The following ASAP1 variants were observed in gnomAD, a reference collection of about 807,000 sequenced individuals.
The protein encoded by ASAP1 is ArfGAP with SH3 domain, ankyrin repeat and PH domain 1.
Under a neutral mutation model 145.2 loss-of-function variants are expected in ASAP1, and 43 were observed. The observed-to-expected ratio is 0.30, with a 90% confidence interval of 0.23 to 0.38. The LOEUF is 0.38. Ranked by LOEUF, ASAP1 falls within the 10% of genes least tolerant of loss-of-function variation. The pLI, the probability that ASAP1 is intolerant of heterozygous loss-of-function variation, is 1.00. For synonymous variants in ASAP1, 546 were observed against 515.5 expected (o/e 1.06, Z -0.80); for missense variants, 1,018 against 1,355.3 (o/e 0.75, Z 3.91).
chr8:130,142,479 A>G (rs1382516009), intron 13 of ASAP1, among the ~76,000 whole-genome samples: 1 of 152,228 alleles, frequency 6.6e-6, no homozygotes, highest in Non-Finnish European at 1.5e-5. Flanking sequence ...CATTCATCAT[A>G]TATTTATTAA....
At chr8:130,057,183 A>G (rs1230631046) in intron 29 of ASAP1, among the ~76,000 whole-genome samples, 1 of 152,194 alleles carries the variant, frequency 6.6e-6, no homozygotes, top group Non-Finnish European at 1.5e-5. Context: ...GCTCAGCCTG[A>G]GCAGGAACTT....
chr8:130,109,219 G>A (rs1228518775), intron 24 of ASAP1, among the ~76,000 whole-genome samples: 7 of 152,112 alleles, frequency 4.6e-5, no homozygotes, highest in African/African-American at 1.4e-4. Context: ...AGAGGGGTTA[G>A]GCAGCGAAGT....
At chr8:130,376,806 G>A (rs561278629) in intron 2 of ASAP1, among the ~76,000 whole-genome samples, 8 of 150,638 alleles carry the variant, frequency 5.3e-5, no homozygotes, top group Middle Eastern at 3.4e-3. Flanking sequence ...GGGAGGCTGA[G>A]GCAGGAGAAT....
At chr8:130,372,234 G>A (rs1271952427) in intron 2 of ASAP1, among the ~76,000 whole-genome samples, 1 of 152,252 alleles carries the variant, frequency 6.6e-6, no homozygotes, top group Non-Finnish European at 1.5e-5. Flanking sequence ...TTCTGAAGAA[G>A]CAAATTTATT....
chr8:130,141,556 G>A (rs775104530), intron 13 of ASAP1, among the ~76,000 whole-genome samples: 9 of 152,104 alleles, frequency 5.9e-5, no homozygotes, highest in Non-Finnish European at 1.3e-4. Flanking sequence ...TTCTCACTAA[G>A]GACACACACA....
At chr8:130,149,222 C>G (rs998759538) in intron 13 of ASAP1, among the ~76,000 whole-genome samples, 3 of 147,530 alleles carry the variant, frequency 2.0e-5, no homozygotes, top group Non-Finnish European at 4.5e-5. Context: ...GCATCTTATA[C>G]TGTGTTTAGA....
In ASAP1 at chr8:130,060,559, C is replaced by A. The variant is rs190986666; in HGVS notation, c.3192+20G>T. 2,336 of 1,589,032 alleles carry A rather than the reference C, an allele frequency of 1.5e-3. 34 individuals are homozygous for A. In the African/African-American group the frequency reaches 0.028, roughly 19 times the overall value. The stretch of plus-strand genomic sequence containing the variant: ...AGTGCGGAATAGGGTTCCTAAGGGC[C>A]TGAACATTGTCCCACCCACCGTATT... On this transcript the variant is annotated intron_variant, in intron 28 of 29. Coordinates refer to ENST00000518721, the MANE Select transcript of ASAP1 (RefSeq NM_018482.4).
chr8:130,110,153 A>G (rs550130104), intron 24 of ASAP1, among the ~76,000 whole-genome samples: 70 of 152,208 alleles, frequency 4.6e-4, no homozygotes, highest in Non-Finnish European at 8.5e-4. Flanking sequence ...CAGACAGTAT[A>G]TATTATGGGT....
At chr8:130,378,410 G>A (rs549825051) in intron 2 of ASAP1, among the ~76,000 whole-genome samples, 1 of 152,244 alleles carries the variant, frequency 6.6e-6, no homozygotes. Flanking sequence ...GCTGCCTCCT[G>A]AAGGAGGTTA....
chr8:130,072,633 TGTATCCTTTGCA>T (rs1418413002), intron 27 of ASAP1, among the ~76,000 whole-genome samples: 71 of 151,690 alleles, frequency 4.7e-4, no homozygotes, highest in Non-Finnish European at 8.4e-4. Context: ...TTTCTTTATC[TGTATCCTTTGCA>T]GTATCCTTTA....
intron 3 of ASAP1, among the ~76,000 whole-genome samples, chr8:130,293,764 C>T (rs1487842555): frequency 6.6e-6 from 1 of 152,146 alleles, no homozygotes; most frequent in African/African-American, 2.4e-5. Flanking sequence ...GTGTGAAGGA[C>T]CCCATGTCCC....
intron 15 of ASAP1, among the ~76,000 whole-genome samples, chr8:130,134,089 G>A (rs2097588651): frequency 6.6e-6 from 1 of 152,220 alleles, no homozygotes; most frequent in Admixed American, 6.5e-5. Flanking sequence ...GCAGAATCTT[G>A]CAGGAGGTAC....
rs1448184178 is a variant in ASAP1 at position 130,072,830 on chromosome 8, C to CGCGCG, written c.2701+3517_2701+3518insCGCGC. ...GTGTGTGTGTGTGTGTGTGTGCGCG[C>CGCGCG]GGGGGGGGGCAGTTTTGGGGACTGA... is the stretch of plus-strand genomic sequence containing the variant. On this transcript the variant is annotated intron_variant, in intron 27 of 29. Transcript: ENST00000518721. 8.3e-3 allele frequency among the ~76,000 whole-genome samples: 266 copies of CGCGCG among 31,904 alleles called. 12 individuals carry two copies. The highest frequency in any genetic ancestry group is 0.011 in the Non-Finnish European group (208 of 18,950). The allele number at this position is 31,904 out of a possible 152,430, so 20.9% of individuals were successfully genotyped here.
At chr8:130,072,151 A>G (rs1270008250) in intron 27 of ASAP1, among the ~76,000 whole-genome samples, 1 of 152,236 alleles carries the variant, frequency 6.6e-6, no homozygotes, top group Non-Finnish European at 1.5e-5. Context: ...CCAAGAGGAC[A>G]GGGTTCAGTG....
intron 3 of ASAP1, among the ~76,000 whole-genome samples, chr8:130,282,338 G>A (rs1821302998): frequency 6.6e-6 from 1 of 152,294 alleles, no homozygotes; most frequent in East Asian, 1.9e-4. Context: ...CACACTTGCA[G>A]ATGTTTTAGT....
chr8:130,060,908 A>C lies in ASAP1; in HGVS notation c.2863T>G (p.Leu955Val). The change falls in exon 28 of 30, where the codon TTG (leucine) becomes GTG (valine). Residue 955 changes from leucine to valine, a missense_variant. Physicochemically the swap from Leu to Val is conservative, Grantham distance 32. Around this residue, in one of 9 missense-constraint regions of ASAP1, gnomAD observed 139 missense variants for 131.0 expected, o/e 1.06. Transcript: ENST00000518721. Reference protein sequence around the residue: ...ELAPKPQIGDLPPKPGELPPK... With the variant: ...ELAPKPQIGDVPPKPGELPPK... ...GGCAGTTCTCCTGGCTTAGGCGGCA[A>C]ATCTCCAATTTGGGGCTTGGGGGCC... The C allele has an allele frequency of 6.2e-7, 1 of 1,611,886 alleles. No individual in the cohort carries two copies. The highest frequency in any genetic ancestry group is 1.1e-5 in the South Asian group (1 of 90,958).
intron 5 of ASAP1, among the ~76,000 whole-genome samples, chr8:130,204,863 C>T (rs760689790): frequency 1.3e-4 from 20 of 152,144 alleles, no homozygotes; most frequent in Non-Finnish European, 2.5e-4. Flanking sequence ...ACCAATAAAA[C>T]ATGTAAAGTA....
chr8:130,407,813 A>G (rs533503646), intron 1 of ASAP1, among the ~76,000 whole-genome samples: 30 of 152,334 alleles, frequency 2.0e-4, no homozygotes, highest in African/African-American at 7.2e-4. Context: ...TTTATTCAAC[A>G]GAAGTGACTC....
chr8:130,215,776 T>C (rs1306066071), intron 4 of ASAP1, among the ~76,000 whole-genome samples: 1 of 151,726 alleles, frequency 6.6e-6, no homozygotes, highest in Non-Finnish European at 1.5e-5. Flanking sequence ...CAAAAAACAA[T>C]TAGCTGGGTA....
Sources: allele counts gnomAD v4.1 joint callset (sites outside exome capture counted in the v4.1 genomes callset), GRCh38; gene constraint gnomAD v4.1.1; regional missense constraint gnomAD v4.1.1; transcripts MANE v1.5; gene names NCBI Gene and HGNC (gene_info 2026-07-23, HGNC 2026-07-21).